The following FAM114A1 variants were observed in gnomAD, a reference collection of about 807,000 sequenced individuals.
FAM114A1 encodes the protein family with sequence similarity 114 member A1, also known as protein NOXP20.
FAM114A1 carries 62 observed loss-of-function variants against 64.3 expected under a neutral mutation model. The ratio of observed to expected loss-of-function variants is 0.96; its 90% CI spans 0.79 to 1.19. FAM114A1 has a LOEUF of 1.19. FAM114A1 is among the 50% of genes most tolerant of loss of function. FAM114A1 has a pLI of 0.00. For missense variants in FAM114A1, 645 were observed against 676.3 expected, an observed-to-expected ratio of 0.95 and a Z score of 0.51; for synonymous variants, 254 against 251.1, an observed-to-expected ratio of 1.01 and a Z score of -0.11.
At chr4:38,909,254 A>G (rs1369438287) in intron 7 of FAM114A1, among the ~76,000 whole-genome samples, 2 of 152,214 alleles carry the variant, frequency 1.3e-5, no homozygotes, top group East Asian at 3.8e-4. Context: ...TAATTTAAAT[A>G]CCTACCAATA....
chr4:38,941,833 C>G (rs1721598274), intron 14 of FAM114A1, among the ~76,000 whole-genome samples: 2 of 152,186 alleles, frequency 1.3e-5, no homozygotes, highest in African/African-American at 4.8e-5. Context: ...AAGTGGCTGT[C>G]CATTGCAAAA....
chr4:38,891,714 T>C, intron 3 of FAM114A1, 29 bp from the exon 4 acceptor site: 1 of 1,574,220 alleles, frequency 6.4e-7, no homozygotes, highest in Non-Finnish European at 8.6e-7. Flanking sequence ...ACTGAATTTC[T>C]GACCTGTGGC....
At chr4:38,939,402 A>G (rs904970746) in intron 13 of FAM114A1, among the ~76,000 whole-genome samples, 2 of 152,178 alleles carry the variant, frequency 1.3e-5, no homozygotes, top group African/African-American at 4.8e-5. Context: ...ATGAGTGTGT[A>G]TTGCTCTCTA....
chr4:38,920,447 C>T (rs906151255), intron 8 of FAM114A1, among the ~76,000 whole-genome samples: 5 of 152,078 alleles, frequency 3.3e-5, no homozygotes, highest in African/African-American at 4.8e-5. Flanking sequence ...TTGGATTGAA[C>T]TAAAGATTCA....
intron 3 of FAM114A1, among the ~76,000 whole-genome samples, chr4:38,884,268 C>T (rs890773519): frequency 3.3e-5 from 5 of 152,200 alleles, no homozygotes; most frequent in African/African-American, 7.2e-5. Flanking sequence ...GGATTATAGG[C>T]GCAAGCCACC....
At chr4:38,911,234 G>T (rs1258937740) in intron 7 of FAM114A1, among the ~76,000 whole-genome samples, 1 of 152,206 alleles carries the variant, frequency 6.6e-6, no homozygotes, top group Admixed American at 6.5e-5. Flanking sequence ...GAGAAAAATG[G>T]GTGAAAGTGT....
intron 9 of FAM114A1, among the ~76,000 whole-genome samples, chr4:38,925,865 C>G (rs1271033485): frequency 7.7e-6 from 1 of 129,472 alleles, no homozygotes; most frequent in East Asian, 2.1e-4. Context: ...CCATTTTTCT[C>G]TATGATTTTT....
chr4:38,931,679 T>C, intron 11 of FAM114A1, 67 bp downstream of exon 11: 1 of 1,468,552 alleles, frequency 6.8e-7, no homozygotes, highest in Non-Finnish European at 9.1e-7. Flanking sequence ...AGCAGCTTAA[T>C]TTTAATTGAG....
intron 8 of FAM114A1, among the ~76,000 whole-genome samples, chr4:38,917,493 A>G (rs1193021070): frequency 6.6e-6 from 1 of 152,242 alleles, no homozygotes; most frequent in Non-Finnish European, 1.5e-5. Flanking sequence ...TAAATGAGAT[A>G]ATCCATGGAA....
chr4:38,932,148 G>T, intron 11 of FAM114A1, 87 bp from the exon 12 acceptor site: 2 of 1,421,626 alleles, frequency 1.4e-6, no homozygotes, highest in South Asian at 1.4e-5. Flanking sequence ...ATTTTTGAAA[G>T]AATTATATCA....
chr4:38,871,897 C>T (rs764185116), intron 2 of FAM114A1, among the ~76,000 whole-genome samples: 7 of 152,198 alleles, frequency 4.6e-5, no homozygotes, highest in Admixed American at 1.3e-4. Flanking sequence ...CTCAACTAAG[C>T]TTCTAGTCAC....
rs1714864325 is a variant in FAM114A1, at chr4:38,878,281, C to A, written c.203C>A (p.Pro68His). 6.2e-7 allele frequency: 1 copy of A among 1,614,194 alleles called. No homozygotes were observed. The highest frequency in any genetic ancestry group is 1.3e-5 in the African/African-American group (1 of 75,042). ...GGTGCAGGGGCTGCCGCCATTGGGC[C>A]CCCTGTGCAGCCTCAGGATGCCAAC... ...VQGAGAAAIG[P>H]PVQPQDANAL... is the part of the protein sequence containing the mutation. Residue 68 changes from proline (P) to histidine (H), a missense_variant, in exon 3 of 15, where the codon CCC (proline) becomes CAC (histidine). Transcript: ENST00000358869.
At chr4:38,885,407 A>G (rs983815155) in intron 3 of FAM114A1, among the ~76,000 whole-genome samples, 5 of 152,026 alleles carry the variant, frequency 3.3e-5, no homozygotes, top group African/African-American at 7.3e-5. Flanking sequence ...TACCAAATAG[A>G]TAGGACTACA....
chr4:38,894,744 C>T (rs1228729643), intron 4 of FAM114A1, among the ~76,000 whole-genome samples: 2 of 152,184 alleles, frequency 1.3e-5, no homozygotes, highest in Admixed American at 6.5e-5. Flanking sequence ...GCACATTCCT[C>T]ATGCAATATC....
intron 7 of FAM114A1, among the ~76,000 whole-genome samples, chr4:38,912,626 C>T (rs1445045903): frequency 1.3e-5 from 2 of 152,186 alleles, no homozygotes; most frequent in African/African-American, 2.4e-5. Flanking sequence ...TAGTGATCGG[C>T]CCACCTTGGC....
At chr4:38,879,859 T>G (rs1422790777) in intron 3 of FAM114A1, among the ~76,000 whole-genome samples, 1 of 151,920 alleles carries the variant, frequency 6.6e-6, no homozygotes, top group Admixed American at 6.6e-5. Flanking sequence ...TGGGGGAGAT[T>G]TAAAATGTAT....
chr4:38,886,737 G>A lies in FAM114A1; in HGVS notation c.349-5006G>A, dbSNP rs549905959. Reference sequence around the variant, plus strand: ...GAGGTCAGGAGTTCAAGACCAGCCTGGCCAACAAGGTGAAACCCTGTCTCC... The same window carrying A: ...GAGGTCAGGAGTTCAAGACCAGCCTAGCCAACAAGGTGAAACCCTGTCTCC... On this transcript the variant is annotated intron_variant, in intron 3 of 14. Coordinates refer to ENST00000358869, the MANE Select transcript of FAM114A1 (RefSeq NM_138389.4). Among the ~76,000 whole-genome samples, 12 of 151,634 alleles carry A rather than the reference G, an allele frequency of 7.9e-5. No homozygotes were observed. The South Asian group carries it at 2.5e-3, about 32-fold the overall frequency.
intron 7 of FAM114A1, among the ~76,000 whole-genome samples, chr4:38,911,867 T>C (rs1205355211): frequency 2.1e-5 from 3 of 142,414 alleles, no homozygotes; most frequent in South Asian, 2.3e-4. Context: ...TTTTCTTTTT[T>C]TTTTTTTTTT....
intron 8 of FAM114A1, among the ~76,000 whole-genome samples, 156 bp from the exon 9 acceptor site, chr4:38,922,604 CTTGCACAAAG>C (rs1332574689): frequency 6.6e-6 from 1 of 152,224 alleles, no homozygotes; most frequent in African/African-American, 2.4e-5. Flanking sequence ...GCTTATCTAA[CTTGCACAAAG>C]TTGCACAGTT....
Sources: gnomAD v4.1 joint callset for allele counts (sites outside exome capture counted in the v4.1 genomes callset) on GRCh38, gnomAD v4.1.1 for gene constraint, MANE v1.5 for transcripts, NCBI Gene and HGNC (gene_info 2026-07-23, HGNC 2026-07-21) for gene names.